The following RHBDF2 variants were observed in gnomAD, a reference collection of about 807,000 sequenced individuals.
RHBDF2 encodes the protein inactive rhomboid protein 2.
A neutral mutation model predicts 95.2 loss-of-function variants in RHBDF2; 38 were observed. The observed-to-expected ratio is 0.40, with a 90% CI of 0.31 to 0.52. RHBDF2 has a LOEUF of 0.52. Ranked by LOEUF, RHBDF2 falls within the 20% of genes least tolerant of loss-of-function variation. The probability of loss-of-function intolerance (pLI) is 0.56; values close to 1 mark genes in which losing one functional copy is unlikely to be tolerated. For synonymous variants in RHBDF2, 442 were observed against 462.0 expected (o/e 0.96, Z 0.55); for missense variants, 863 against 1,137.7 (o/e 0.76, Z 3.47).
At chr17:76,488,699 A>G (rs1322399388) in intron 1 of RHBDF2, among the ~76,000 whole-genome samples, 1 of 152,208 alleles carries the variant, frequency 6.6e-6, no homozygotes, top group Non-Finnish European at 1.5e-5. Flanking sequence ...CTGTAATCCC[A>G]GCACTTTGGG....
rs2073550969 is a variant in RHBDF2 at position 76,471,342 on chromosome 17, C to G, written c.*291G>C. On this transcript the variant is annotated 3_prime_UTR_variant, in exon 19 of 19. Transcript: ENST00000675367. ...ACCCTGCCCCAGGAGATGGTCTCAG[C>G]AAGGAGCGGGATATTAGGAACTGAG... 2.5e-6 allele frequency: 1 copy of G among 400,998 alleles called. No homozygotes were observed. 24.8% of individuals were successfully genotyped at this position (400,998 alleles called of 1,614,324 possible). A position where few individuals can be genotyped will look rare whatever the true frequency, so the allele number is the denominator to read the frequency against.
intron 12 of RHBDF2, 43 bp from the exon 13 acceptor site, chr17:76,474,185 T>TC (rs761642342): frequency 7.0e-7 from 1 of 1,438,708 alleles, no homozygotes; most frequent in African/African-American, 1.4e-5. Flanking sequence ...CGGGGCCAGG[T>TC]CACCCCCACT....
chr17:76,477,540 C>A, intron 7 of RHBDF2, 117 bp downstream of exon 7: 1 of 1,252,290 alleles, frequency 8.0e-7, no homozygotes, highest in Non-Finnish European at 1.1e-6. Flanking sequence ...ATGCCACATC[C>A]CAGCAGTGGG....
At chr17:76,486,449 A>G (rs901666984) in intron 2 of RHBDF2, among the ~76,000 whole-genome samples, 1 of 152,178 alleles carries the variant, frequency 6.6e-6, no homozygotes, top group Non-Finnish European at 1.5e-5. Context: ...GCGGTGGTTC[A>G]TGCCTGTAAT....
In RHBDF2 at chr17:76,477,028, G is replaced by A; in HGVS notation, c.921-4C>T. 6.2e-7 allele frequency: 1 copy of A among 1,612,912 alleles called. No homozygotes were observed. Among genetic ancestry groups the A allele is most frequent in the Non-Finnish European group, 8.5e-7 (1 of 1,179,498 alleles). On this transcript the variant is annotated splice_polypyrimidine_tract_variant and splice_region_variant and intron_variant, in intron 8 of 18. Coordinates refer to ENST00000675367, the MANE Select transcript of RHBDF2 (RefSeq NM_001005498.4). The stretch of plus-strand genomic sequence containing the variant: ...TGGGGCTCGGCCATACTCCTTCCTG[G>A]TGGGGATGGTGGCTTTCAGCCTGAA...
intron 1 of RHBDF2, among the ~76,000 whole-genome samples, chr17:76,490,467 G>A (rs2074268310): frequency 6.6e-6 from 1 of 152,148 alleles, no homozygotes; most frequent in African/African-American, 2.4e-5. Context: ...CCTCACCTGG[G>A]ACCTCTGCAA....
intron 1 of RHBDF2, among the ~76,000 whole-genome samples, chr17:76,488,329 A>C (rs1389389965): frequency 6.6e-6 from 1 of 150,724 alleles, no homozygotes; most frequent in East Asian, 2.0e-4. Flanking sequence ...GTAAAAACCC[A>C]TCTCTACTAA....
At position 76,474,796 on chromosome 17, in the gene RHBDF2, C is replaced by G; in HGVS notation, c.1236G>C (p.Arg412=). ...AQHVTTQLVL[R]NKGVYESVKY... is the part of the protein sequence containing the mutation. ...TCACGCTCTCGTACACACCTTTGTT[C>G]CGCAGCACCTATCGTGGAGGTAGCA... The change falls in exon 11 of 19, where the codon CGG becomes CGC. Residue 412 remains arginine (R), a synonymous_variant. Coordinates refer to ENST00000675367, the MANE Select transcript of RHBDF2 (RefSeq NM_001005498.4). The G allele has an allele frequency of 6.2e-7, 1 of 1,614,006 alleles. No individual in the cohort carries two copies. The highest frequency in any genetic ancestry group is 1.3e-5 in the African/African-American group (1 of 75,058).
In RHBDF2 at chr17:76,477,864, T is replaced by A. The variant is rs942588360; in HGVS notation, c.673-79A>T. On this transcript the variant is annotated intron_variant, in intron 6 of 18. Coordinates refer to ENST00000675367, the MANE Select transcript of RHBDF2 (RefSeq NM_001005498.4). The stretch of plus-strand genomic sequence containing the variant: ...CCCAGCCCCAACACCGAAGGAATCA[T>A]CAAGCCCATCCGCCTGCAGGCAGCG... 19 of 1,562,786 alleles carry A rather than the reference T, an allele frequency of 1.2e-5. No homozygotes were observed. The African/African-American group carries it at 2.6e-4, about 21-fold the overall frequency.
chr17:76,493,421 C>T lies in RHBDF2; in HGVS notation c.-219-5512G>A, dbSNP rs139652273. Among the ~76,000 whole-genome samples the T allele has an allele frequency of 4.2e-3, 637 of 152,274 alleles. 2 individuals are homozygous for T. Among genetic ancestry groups the T allele is most frequent in the Middle Eastern group, 0.017 (5 of 294 alleles). On this transcript the variant is annotated intron_variant, in intron 1 of 18. Coordinates refer to ENST00000675367, the MANE Select transcript of RHBDF2 (RefSeq NM_001005498.4). ...CCATGCATCCCCAAGCTGGGCCTCA[C>T]GTAGCCAGTGACGCTGCCCTGGCAA...
rs190493738 is a variant in RHBDF2 at position 76,489,368 on chromosome 17, G to T, written c.-219-1459C>A. Among the ~76,000 whole-genome samples the T allele has an allele frequency of 1.6e-3, 224 of 139,254 alleles. 2 individuals carry two copies. Among genetic ancestry groups the T allele is most frequent in the East Asian group, 1.1e-3 (5 of 4,522 alleles). The allele number at this position is 139,254 out of a possible 152,430, so 91.4% of individuals were successfully genotyped here. A position where few individuals can be genotyped will look rare whatever the true frequency, so the allele number is the denominator to read the frequency against. On this transcript the variant is annotated intron_variant, in intron 1 of 18. Transcript: ENST00000675367. ...AGATGGAGTCTCGCTCTGTAGCCCA[G>T]GCTGGAGTGCAGTGGCATGATCTCA...
chr17:76,475,142 C>A lies in RHBDF2; in HGVS notation c.1116-1G>T. 1.3e-6 allele frequency: 2 copies of A among 1,584,928 alleles called. No individual in the cohort carries two copies. Among genetic ancestry groups the A allele is most frequent in the Non-Finnish European group, 1.7e-6 (2 of 1,165,582 alleles). ...GGTCAGCCAGTAGGTGAAGTAGGGCCTGTGCAGAGACACCTCGGGTCAGCT... is the reference window on the plus strand; with the variant it reads ...GGTCAGCCAGTAGGTGAAGTAGGGCATGTGCAGAGACACCTCGGGTCAGCT... On this transcript the variant is annotated splice_acceptor_variant, in intron 9 of 18. Transcript: ENST00000675367. LOFTEE classifies it high-confidence loss of function.
At chr17:76,492,773 C>T (rs1277209284) in intron 1 of RHBDF2, among the ~76,000 whole-genome samples, 1 of 152,188 alleles carries the variant, frequency 6.6e-6, no homozygotes, top group African/African-American at 2.4e-5. Context: ...GCAGGGAGAG[C>T]GTGACAGGTG....
chr17:76,489,416 C>A (rs544965864), intron 1 of RHBDF2, among the ~76,000 whole-genome samples: 1 of 151,430 alleles, frequency 6.6e-6, no homozygotes, highest in Non-Finnish European at 1.5e-5. Flanking sequence ...CACCGCCTCC[C>A]GGGTTCACGC....
chr17:76,497,790 CAT>C (rs1330736926), intron 1 of RHBDF2, among the ~76,000 whole-genome samples: 3 of 152,238 alleles, frequency 2.0e-5, no homozygotes, highest in African/African-American at 7.2e-5. Flanking sequence ...TGAGCACACA[CAT>C]GGACGACTGT....
chr17:76,477,149 C>A, intron 8 of RHBDF2, 31 bp downstream of exon 8: 3 of 1,610,728 alleles, frequency 1.9e-6, no homozygotes, highest in Non-Finnish European at 2.5e-6. Flanking sequence ...TGGTGGCTGG[C>A]CTGGAGGAGG....
At chr17:76,487,262 T>G (rs1198783859) in intron 2 of RHBDF2, 3 of 150,436 alleles carry the variant, frequency 2.0e-5, no homozygotes, top group Non-Finnish European at 4.4e-5. Context: ...ATTTTTTTTT[T>G]TTTTGAGATG....
chr17:76,490,874 T>C (rs1258646982), intron 1 of RHBDF2, among the ~76,000 whole-genome samples: 2 of 152,156 alleles, frequency 1.3e-5, no homozygotes, highest in Non-Finnish European at 2.9e-5. Context: ...ACCACTTTAT[T>C]GCCTGCTCTC....
Position 76,479,133 on chromosome 17 carries a change from C to G in RHBDF2, c.417G>C (p.Glu139Asp). 1 of 1,613,610 alleles carries G rather than the reference C, an allele frequency of 6.2e-7. No homozygotes were observed. Among genetic ancestry groups the G allele is most frequent in the Non-Finnish European group, 8.5e-7 (1 of 1,179,908 alleles). Reference sequence around the variant, plus strand: ...ACTCAGTGCCCTGGAAGGACGGTGCCTCCTGGCTGGGGAGCTCCAGGTCAC... The same window carrying G: ...ACTCAGTGCCCTGGAAGGACGGTGCGTCCTGGCTGGGGAGCTCCAGGTCAC... ...CQRDLELPSQEAPSFQGTESP... is the reference protein window; with the variant it reads ...CQRDLELPSQDAPSFQGTESP... The change falls in exon 5 of 19, where the codon GAG becomes GAC. Residue 139 changes from glutamate (E) to aspartate (D), a missense_variant. Around this residue, in one of 2 missense-constraint regions of RHBDF2, gnomAD observed 611 missense variants for 725.5 expected, o/e 0.84. Transcript: ENST00000675367.
Sources: allele counts gnomAD v4.1 joint callset (sites outside exome capture counted in the v4.1 genomes callset), GRCh38; gene constraint gnomAD v4.1.1; regional missense constraint gnomAD v4.1.1; transcripts MANE v1.5; gene names NCBI Gene and HGNC (gene_info 2026-07-23, HGNC 2026-07-21).